Variants in ANO3 observed in about 807,000 individuals in gnomAD.
ANO3 encodes the protein anoctamin 3, also known as anoctamin-3.
ANO3 carries 99 observed loss-of-function variants against 144.8 expected under a neutral mutation model. That is an observed-to-expected ratio of 0.68 (90% CI 0.58 to 0.81). The LOEUF is 0.81. ANO3 is among the 30% of genes least tolerant of loss of function. The probability of loss-of-function intolerance (pLI) is 0.00; values close to 1 mark genes in which losing one functional copy is unlikely to be tolerated. For missense variants in ANO3, 905 were observed against 1,202.2 expected, an observed-to-expected ratio of 0.75 and a Z score of 3.66; for synonymous variants, 414 against 392.6, an observed-to-expected ratio of 1.05 and a Z score of -0.64.
chr11:26,591,554 G>T (rs781706728), intron 14 of ANO3, among the ~76,000 whole-genome samples: 1 of 152,116 alleles, frequency 6.6e-6, no homozygotes, highest in African/African-American at 2.4e-5. Context: ...GGTGAAAGTG[G>T]GGTCTCCTTT....
intron 1 of ANO3, among the ~76,000 whole-genome samples, chr11:26,257,528 T>TA (rs1303942507): frequency 6.6e-6 from 1 of 152,162 alleles, no homozygotes; most frequent in Non-Finnish European, 1.5e-5. Flanking sequence ...AATAATTTTT[T>TA]AAAAGATTTT....
At chr11:26,436,969 A>G (rs1858318574) in intron 1 of ANO3, among the ~76,000 whole-genome samples, 1 of 151,984 alleles carries the variant, frequency 6.6e-6, no homozygotes, top group Non-Finnish European at 1.5e-5. Context: ...ATCACCTTGG[A>G]TTCCCCAGAG....
At chr11:26,612,319 TTGTAGA>T (rs952972766) in intron 17 of ANO3, among the ~76,000 whole-genome samples, 118 of 152,024 alleles carry the variant, frequency 7.8e-4, no homozygotes, top group Non-Finnish European at 1.5e-3. Flanking sequence ...CTAAATAATC[TTGTAGA>T]TGTATTATTT....
At chr11:26,232,025 C>A (rs1039107393) in intron 1 of ANO3, among the ~76,000 whole-genome samples, 1 of 152,154 alleles carries the variant, frequency 6.6e-6, no homozygotes, top group African/African-American at 2.4e-5. Context: ...TCAAAGTAAA[C>A]CTGCTTTGAA....
At chr11:26,410,699 C>G (rs769014443) in intron 1 of ANO3, among the ~76,000 whole-genome samples, 3 of 151,974 alleles carry the variant, frequency 2.0e-5, no homozygotes, top group Non-Finnish European at 4.4e-5. Context: ...AGAACAAAGA[C>G]TAGTGTGGGG....
At chr11:26,435,896 G>T (rs1480158218) in intron 1 of ANO3, among the ~76,000 whole-genome samples, 2 of 152,072 alleles carry the variant, frequency 1.3e-5, no homozygotes, top group Non-Finnish European at 2.9e-5. Flanking sequence ...TGTCATTTCA[G>T]TCAACTCAAC....
rs549448620 is a variant in ANO3, at chr11:26,323,481, G to T, written c.-3+13762G>T. Reference sequence around the variant, plus strand: ...TGAATATTAAATGGCTGGATAAATTGCTTGGGGTTTTGAATGGGAAGGAGC... The same window carrying T: ...TGAATATTAAATGGCTGGATAAATTTCTTGGGGTTTTGAATGGGAAGGAGC... On this transcript the variant is annotated intron_variant, in intron 1 of 26. Transcript: ENST00000525139. 2.0e-5 allele frequency among the ~76,000 whole-genome samples: 3 copies of T among 152,130 alleles called. No homozygotes were observed. In the East Asian group the frequency reaches 5.8e-4, roughly 29 times the overall value.
intron 4 of ANO3, among the ~76,000 whole-genome samples, chr11:26,506,811 T>G (rs574897849): frequency 6.6e-6 from 1 of 152,318 alleles, no homozygotes; most frequent in South Asian, 2.1e-4. Context: ...TTCTGTTTCT[T>G]GAATGACTCG....
chr11:26,374,693 T>G (rs1856357221), intron 1 of ANO3, among the ~76,000 whole-genome samples: 2 of 152,178 alleles, frequency 1.3e-5, no homozygotes, highest in Admixed American at 1.3e-4. Context: ...ACAGGGAAAG[T>G]GGAGGTGGTT....
At chr11:26,610,444 A>C (rs1211335015) in intron 17 of ANO3, among the ~76,000 whole-genome samples, 1 of 151,798 alleles carries the variant, frequency 6.6e-6, no homozygotes, top group Non-Finnish European at 1.5e-5. Flanking sequence ...TATTCTGCAC[A>C]TAAACCCCTT....
intron 23 of ANO3, among the ~76,000 whole-genome samples, chr11:26,644,815 TCACACACACACACA>T (rs71449132): frequency 1.4e-5 from 2 of 145,200 alleles, no homozygotes; most frequent in African/African-American, 5.1e-5. Context: ...GGAATACTAA[TCACACACACACACA>T]CACACACACA....
At chr11:26,354,354 A>G (rs1855722329) in intron 1 of ANO3, among the ~76,000 whole-genome samples, 1 of 152,242 alleles carries the variant, frequency 6.6e-6, no homozygotes, top group Non-Finnish European at 1.5e-5. Flanking sequence ...GAGGTGATGA[A>G]TAAATTCAGG....
intron 1 of ANO3, among the ~76,000 whole-genome samples, chr11:26,225,774 T>C (rs1312622776): frequency 4.6e-5 from 7 of 152,290 alleles, no homozygotes; most frequent in Middle Eastern, 3.4e-3. Context: ...AACATTTTTC[T>C]TCTCTAAGCA....
chr11:26,307,033 T>C (rs1854400026), upstream of ANO3, among the ~76,000 whole-genome samples: 2 of 152,212 alleles, frequency 1.3e-5, no homozygotes, highest in Non-Finnish European at 2.9e-5. Context: ...ACATAAATGT[T>C]AGATTAATTT....
chr11:26,470,890 A>T (rs1304664650), intron 4 of ANO3, among the ~76,000 whole-genome samples: 2 of 151,978 alleles, frequency 1.3e-5, no homozygotes, highest in Non-Finnish European at 2.9e-5. Context: ...AAAATAAGAT[A>T]GTCTTGTTTT....
At chr11:26,602,303 A>G (rs1418377310) in intron 17 of ANO3, among the ~76,000 whole-genome samples, 2 of 152,196 alleles carry the variant, frequency 1.3e-5, no homozygotes, top group African/African-American at 2.4e-5. Context: ...AGTGGCATGT[A>G]AAGAGTATGG....
intron 6 of ANO3, among the ~76,000 whole-genome samples, chr11:26,519,358 C>T (rs1048463717): frequency 6.6e-5 from 10 of 152,116 alleles, no homozygotes; most frequent in Middle Eastern, 3.4e-3. Context: ...TTTTTATTTC[C>T]GTTGTTGGCA....
chr11:26,564,718 CACACACACACACACATATATATATATAT>C (rs1850459370), intron 14 of ANO3, among the ~76,000 whole-genome samples: 1 of 74,924 alleles, frequency 1.3e-5, no homozygotes, highest in Non-Finnish European at 2.6e-5. Flanking sequence ...CACACACACA[CACACACACACACACATATATATATATAT>C]ATATATATAT....
At chr11:26,635,186 G>C (rs983572807) in intron 20 of ANO3, 116 bp downstream of exon 20, 2 of 866,108 alleles carry the variant, frequency 2.3e-6, no homozygotes, top group African/African-American at 3.3e-5. Flanking sequence ...TATTGAAGAC[G>C]ACACATTGTT....
Sources: gnomAD v4.1 joint callset for allele counts (sites outside exome capture counted in the v4.1 genomes callset) on GRCh38, gnomAD v4.1.1 for gene constraint, MANE v1.5 for transcripts, NCBI Gene and HGNC (gene_info 2026-07-23, HGNC 2026-07-21) for gene names.